SDK1: variants seen among roughly 807,000 people sequenced by gnomAD.
SDK1 encodes the protein sidekick cell adhesion molecule 1.
SDK1 carries 157 observed loss-of-function variants against 245.5 expected under a neutral mutation model. The observed-to-expected ratio is 0.64, with a 90% CI of 0.56 to 0.73. SDK1 has a LOEUF of 0.73. Among genes scored for constraint, SDK1 ranks in the 30% least tolerant of loss-of-function variants. SDK1 has a pLI of 0.00. For synonymous variants in SDK1, 1,647 were observed against 1,278.5 expected (o/e 1.29, Z -6.15); for missense variants, 3,583 against 3,002.3 (o/e 1.19, Z -4.52).
At chr7:3,696,831 G>C (rs562632130) in intron 4 of SDK1, among the ~76,000 whole-genome samples, 157 of 151,842 alleles carry the variant, frequency 1.0e-3, no homozygotes, top group African/African-American at 3.7e-3. Flanking sequence ...TTCACTCTAA[G>C]AACATTTGAT....
intron 17 of SDK1, among the ~76,000 whole-genome samples, chr7:4,036,392 T>C (rs183104916): frequency 1.4e-4 from 21 of 152,344 alleles, no homozygotes; most frequent in Non-Finnish European, 2.4e-4. Context: ...ATCAGGTATT[T>C]CAAAATAATG....
At chr7:3,818,715 C>A (rs1271800257) in intron 4 of SDK1, among the ~76,000 whole-genome samples, 1 of 152,226 alleles carries the variant, frequency 6.6e-6, no homozygotes, top group African/African-American at 2.4e-5. Flanking sequence ...GGACAGGCTG[C>A]TGGATGGTTG....
Position 4,114,017 on chromosome 7 carries a change from G to A in SDK1, c.3586-20G>A, listed in dbSNP as rs530403627. The A allele has an allele frequency of 3.2e-5, 52 of 1,606,528 alleles. No individual in the cohort carries two copies. Among genetic ancestry groups the A allele is most frequent in the Non-Finnish European group, 4.3e-5 (50 of 1,173,576 alleles). ...CAGTTCTGAGATGTCAGCTCATCGC[G>A]ACTCCTCGTTCCTTCCTAGCCCCTG... is the stretch of plus-strand genomic sequence containing the variant. On this transcript the variant is annotated intron_variant, in intron 24 of 44. Transcript: ENST00000404826.
At chr7:3,806,483 C>CA (rs1383860513) in intron 4 of SDK1, among the ~76,000 whole-genome samples, 13 of 152,366 alleles carry the variant, frequency 8.5e-5, no homozygotes, top group African/African-American at 3.1e-4. Context: ...CTGTGATGCT[C>CA]ACCCTTCCCT....
Position 3,882,408 on chromosome 7 carries a change from G to A in SDK1, c.847+60825G>A, listed in dbSNP as rs75437192. Among the ~76,000 whole-genome samples the A allele has an allele frequency of 5.1e-3, 775 of 152,292 alleles. 4 individuals are homozygous for A. Among genetic ancestry groups the A allele is most frequent in the African/African-American group, 0.018 (749 of 41,562 alleles). ...CGTATGAGCCAGGAGACCCTGATGC[G>A]GGAGGCCCCTCTTTCTCTTCAAGGG... On this transcript the variant is annotated intron_variant, in intron 5 of 44. Coordinates refer to ENST00000404826, the MANE Select transcript of SDK1 (RefSeq NM_152744.4).
chr7:4,212,125 G>A (rs548625729), intron 38 of SDK1, among the ~76,000 whole-genome samples: 6 of 152,178 alleles, frequency 3.9e-5, no homozygotes, highest in African/African-American at 1.2e-4. Context: ...TAATGTCTGC[G>A]AGGAAAAAAT....
At chr7:3,320,212 A>G (rs549293080) in intron 1 of SDK1, among the ~76,000 whole-genome samples, 3 of 151,968 alleles carry the variant, frequency 2.0e-5, no homozygotes, top group Non-Finnish European at 2.9e-5. Context: ...GGAGGTGAGC[A>G]TTCTGGAGAC....
At chr7:3,521,278 T>G (rs1042983918) in intron 1 of SDK1, among the ~76,000 whole-genome samples, 1 of 152,172 alleles carries the variant, frequency 6.6e-6, no homozygotes, top group Admixed American at 6.5e-5. Context: ...TGTGATTAGA[T>G]TGGGGCCAGC....
intron 34 of SDK1, 103 bp downstream of exon 34, chr7:4,175,937 C>T: frequency 1.0e-6 from 1 of 978,132 alleles, no homozygotes; most frequent in Non-Finnish European, 1.6e-6. Context: ...GGATTAATGG[C>T]TCCAGTTCTG....
rs116056157 is a variant in SDK1 at position 3,900,375 on chromosome 7, G to A, written c.848-50548G>A. 4.0e-3 allele frequency among the ~76,000 whole-genome samples: 609 copies of A among 152,248 alleles called. 3 individuals are homozygous for A. The highest frequency in any genetic ancestry group is 0.013 in the African/African-American group (553 of 41,548). On this transcript the variant is annotated intron_variant, in intron 5 of 44. Transcript: ENST00000404826. ...TTGCATCGTTCATGTTTTGTGGTCCGCTGTTTAGGTTTTATCTGGTTTTTC... is the reference window on the plus strand; with the variant it reads ...TTGCATCGTTCATGTTTTGTGGTCCACTGTTTAGGTTTTATCTGGTTTTTC...
intron 20 of SDK1, among the ~76,000 whole-genome samples, chr7:4,069,000 G>A (rs1780073057): frequency 6.6e-6 from 1 of 152,180 alleles, no homozygotes; most frequent in Admixed American, 6.5e-5. Flanking sequence ...GGGATTACAG[G>A]CGTGAGCCAC....
intron 5 of SDK1, among the ~76,000 whole-genome samples, chr7:3,943,621 G>A (rs1356522804): frequency 6.6e-6 from 1 of 151,518 alleles, no homozygotes; most frequent in East Asian, 2.0e-4. Flanking sequence ...CCGGCGCACG[G>A]TGCGGGGCTG....
At chr7:4,065,231 C>T (rs537748487) in intron 19 of SDK1, among the ~76,000 whole-genome samples, 2 of 152,146 alleles carry the variant, frequency 1.3e-5, no homozygotes, top group Non-Finnish European at 1.5e-5. Context: ...GCTTCAGACT[C>T]TCGGGTGCTG....
At chr7:3,623,838 T>C (rs995272836) in intron 2 of SDK1, among the ~76,000 whole-genome samples, 18 of 152,198 alleles carry the variant, frequency 1.2e-4, no homozygotes, top group Non-Finnish European at 5.9e-5. Context: ...CTAAAAATTT[T>C]ATAGTTTTCT....
intron 2 of SDK1, among the ~76,000 whole-genome samples, chr7:3,625,942 C>CTTTTTTTTTTTTTTTT (rs3086084): frequency 3.1e-5 from 4 of 129,798 alleles, no homozygotes; most frequent in African/African-American, 5.8e-5. Flanking sequence ...TCTTTTCTTT[C>CTTTTTTTTTTTTTTTT]TTTTTTTTTT....
At chr7:3,601,304 T>A (rs1485695444) in intron 1 of SDK1, among the ~76,000 whole-genome samples, 1 of 152,222 alleles carries the variant, frequency 6.6e-6, no homozygotes, top group Non-Finnish European at 1.5e-5. Flanking sequence ...TTGATTCTTC[T>A]TTAAATGTTT....
intron 1 of SDK1, among the ~76,000 whole-genome samples, chr7:3,524,949 A>G (rs1426401927): frequency 2.0e-5 from 3 of 152,206 alleles, no homozygotes; most frequent in South Asian, 2.1e-4. Context: ...TGACCTCCCC[A>G]TGTCTCAGGT....
chr7:3,569,673 C>T (rs528695761), intron 1 of SDK1, among the ~76,000 whole-genome samples: 82 of 152,332 alleles, frequency 5.4e-4, no homozygotes, highest in Non-Finnish European at 8.7e-4. Context: ...GAAGTGGCAG[C>T]CATGACTATA....
At chr7:4,027,090 C>T (rs1787414657) in intron 17 of SDK1, among the ~76,000 whole-genome samples, 1 of 152,182 alleles carries the variant, frequency 6.6e-6, no homozygotes, top group African/African-American at 2.4e-5. Flanking sequence ...GGGGTAGAAG[C>T]AGCTCCCCCA....
Sources: allele counts gnomAD v4.1 joint callset (sites outside exome capture counted in the v4.1 genomes callset), GRCh38; gene constraint gnomAD v4.1.1; transcripts MANE v1.5; gene names NCBI Gene and HGNC (gene_info 2026-07-23, HGNC 2026-07-21).